Variants in BEGAIN observed in about 807,000 individuals in gnomAD.
The protein encoded by BEGAIN is brain enriched guanylate kinase associated.
BEGAIN carries 19 observed loss-of-function variants against 35.8 expected under a neutral mutation model. That is an observed-to-expected ratio of 0.53 (90% confidence interval 0.37 to 0.78). The LOEUF is 0.78. Ranked by LOEUF, BEGAIN falls within the 30% of genes least tolerant of loss-of-function variation. BEGAIN has a pLI of 0.00. For synonymous variants in BEGAIN, 462 were observed against 388.6 expected (o/e 1.19, Z -2.22); for missense variants, 795 against 853.6 (o/e 0.93, Z 0.85).
chr14:100,578,979 G>A (rs948267829), intron 1 of BEGAIN, among the ~76,000 whole-genome samples: 2 of 151,198 alleles, frequency 1.3e-5, no homozygotes, highest in African/African-American at 4.9e-5. Flanking sequence ...TCCTGCCTCA[G>A]CTTCCAAAGT....
In BEGAIN at chr14:100,563,288, C is replaced by T. The variant is rs539767232; in HGVS notation, c.71+4623G>A. On this transcript the variant is annotated intron_variant, in intron 2 of 6. Transcript: ENST00000554140. The surrounding 1 kb of genome is among the most constrained non-coding windows in gnomAD (Gnocchi z 4.2). ...CTCAACCTTGACCTCTAACCACATG[C>T]AAACCCAAGTTCAAGTGGATGAAAA... Among the ~76,000 whole-genome samples, 1 of 152,356 alleles carries T rather than the reference C, an allele frequency of 6.6e-6. No individual in the cohort carries two copies. The highest frequency in any genetic ancestry group is 2.1e-4 in the South Asian group (1 of 4,832).
chr14:100,578,856 C>CTTTTTTTTTTTTTTTT (rs529546763), intron 1 of BEGAIN, among the ~76,000 whole-genome samples: 1 of 127,020 alleles, frequency 7.9e-6, no homozygotes, highest in Non-Finnish European at 1.6e-5. Context: ...GCCTCTGGTA[C>CTTTTTTTTTTTTTTTT]TTTTTTTTTT....
At chr14:100,577,063 C>A (rs2035217849) in intron 1 of BEGAIN, among the ~76,000 whole-genome samples, 1 of 152,194 alleles carries the variant, frequency 6.6e-6, no homozygotes, top group African/African-American at 2.4e-5. Flanking sequence ...CAAGGCTCTG[C>A]CGCAGTGGGG....
intron 2 of BEGAIN, among the ~76,000 whole-genome samples, chr14:100,554,668 T>C (rs1417839130): frequency 2.0e-5 from 3 of 151,874 alleles, no homozygotes; most frequent in Admixed American, 2.0e-4. Context: ...ACCAGCCCTG[T>C]CCTTGAGTGT....
chr14:100,546,755 CG>C (rs1165098241), intron 2 of BEGAIN, 93 bp from the exon 3 acceptor site: 40 of 1,241,410 alleles, frequency 3.2e-5, no homozygotes, highest in Middle Eastern at 2.7e-4. Flanking sequence ...CACTAACACG[CG>C]AGTACCGGCG....
chr14:100,540,711 A>G, intron 5 of BEGAIN, 132 bp from the exon 6 acceptor site: 2 of 647,460 alleles, frequency 3.1e-6, no homozygotes, highest in South Asian at 3.7e-5. Context: ...ACAAGGACCC[A>G]CTGCTGGCTC....
chr14:100,582,888 C>T (rs571707274), intron 1 of BEGAIN, among the ~76,000 whole-genome samples: 1 of 151,940 alleles, frequency 6.6e-6, no homozygotes, highest in Admixed American at 6.6e-5. Context: ...CCTGACCCTG[C>T]GCCTGCGTAG....
intron 5 of BEGAIN, among the ~76,000 whole-genome samples, 176 bp from the exon 6 acceptor site, chr14:100,540,755 A>G (rs576915999): frequency 6.6e-6 from 1 of 152,330 alleles, no homozygotes; most frequent in South Asian, 2.1e-4. Context: ...CTTGCCTGCA[A>G]AATGAGAGCC....
chr14:100,550,354 C>CGGGACAGATGTCTG (rs977311749), intron 2 of BEGAIN: 1 of 398,830 alleles, frequency 2.5e-6, no homozygotes, highest in Admixed American at 4.4e-5. Flanking sequence ...GACACAGACA[C>CGGGACAGATGTCTG]GGGACAGATG....
intron 2 of BEGAIN, chr14:100,548,888 A>T (rs978516368): frequency 1.3e-5 from 2 of 152,218 alleles, no homozygotes; most frequent in Admixed American, 1.3e-4. Flanking sequence ...TACAGCAGTC[A>T]ACTCCCTGTT....
chr14:100,570,564 G>A (rs1409934127), intron 1 of BEGAIN, among the ~76,000 whole-genome samples: 1 of 152,248 alleles, frequency 6.6e-6, no homozygotes, highest in Admixed American at 6.5e-5. Flanking sequence ...AGGACTCTGT[G>A]TCCCAGCTCT....
Position 100,583,938 on chromosome 14 carries a change from G to A in BEGAIN, c.42+3311C>T, listed in dbSNP as rs189163433. 9.4e-4 allele frequency among the ~76,000 whole-genome samples: 143 copies of A among 152,106 alleles called. 2 individuals are homozygous for A. The highest frequency in any genetic ancestry group is 1.9e-4 in the Non-Finnish European group (13 of 67,978). On this transcript the variant is annotated intron_variant, in intron 1 of 6. Transcript: ENST00000554140. ...GGTCTTGAACTCCTGACCTCAGGTG[G>A]TCCACTCACCTTGGCCTCCCAAAGT...
At chr14:100,541,618 C>T (rs752892612) in intron 5 of BEGAIN, among the ~76,000 whole-genome samples, 1 of 152,204 alleles carries the variant, frequency 6.6e-6, no homozygotes, top group Non-Finnish European at 1.5e-5. Context: ...TGACCCCAGT[C>T]GACCGGCTGC....
rs552185151 is a variant in BEGAIN, at chr14:100,586,735, G to A, written c.42+514C>T. 5.3e-5 allele frequency among the ~76,000 whole-genome samples: 8 copies of A among 152,288 alleles called. No homozygotes were observed. In the East Asian group the frequency reaches 1.6e-3, roughly 30 times the overall value. On this transcript the variant is annotated intron_variant, in intron 1 of 6. Transcript: ENST00000554140. This position sits in a 1 kb window ranked among gnomAD's most constrained non-coding sequence, Gnocchi z 4.9. The stretch of plus-strand genomic sequence containing the variant: ...AATGGGATGGTGGTGTCCGAGGTTC[G>A]TGCGCGCCCACGCGCTGCAAACGCT...
At chr14:100,561,007 C>T (rs1426077466) in intron 2 of BEGAIN, among the ~76,000 whole-genome samples, 2 of 148,718 alleles carry the variant, frequency 1.3e-5, no homozygotes, top group Non-Finnish European at 3.0e-5. Context: ...GGCCTCCAGC[C>T]CTCGGAAGGA....
intron 2 of BEGAIN, among the ~76,000 whole-genome samples, chr14:100,552,378 T>G (rs1280255346): frequency 1.3e-5 from 2 of 152,202 alleles, no homozygotes; most frequent in African/African-American, 4.8e-5. Context: ...GAAATTCTCA[T>G]TCTCAGCCTG....
chr14:100,578,133 C>T (rs999665342), intron 1 of BEGAIN, among the ~76,000 whole-genome samples: 1 of 152,224 alleles, frequency 6.6e-6, no homozygotes, highest in Non-Finnish European at 1.5e-5. Context: ...TGGCCTCCCA[C>T]CCCCAAATCG....
In BEGAIN at chr14:100,539,001, G is replaced by A. The variant is rs761805146; in HGVS notation, c.807C>T (p.Pro269=). Residue 269 remains proline (P), a synonymous_variant, in exon 7 of 7, where the codon CCC becomes CCT. Coordinates refer to ENST00000554140, the MANE Select transcript of BEGAIN (RefSeq NM_001385089.1). ...CCCGCAGGAAGCCCACGTCGGTCAC[G>A]GGCGCGTCCACGCTAGGCCGCCGGT... ...RRDRRPSVDA[P]VTDVGFLRAQ... The A allele has an allele frequency of 8.7e-6, 14 of 1,610,490 alleles. No homozygotes were observed. In the East Asian group the frequency reaches 2.2e-4, roughly 26 times the overall value.
At chr14:100,578,311 G>C (rs1269325532) in intron 1 of BEGAIN, among the ~76,000 whole-genome samples, 2 of 152,248 alleles carry the variant, frequency 1.3e-5, no homozygotes, top group Non-Finnish European at 2.9e-5. Context: ...CCTCTGCCAG[G>C]TGCGGTGCAG....
Sources: allele counts gnomAD v4.1 joint callset (sites outside exome capture counted in the v4.1 genomes callset), GRCh38; gene constraint gnomAD v4.1.1; non-coding constraint Gnocchi (gnomAD v3.1); transcripts MANE v1.5; gene names NCBI Gene and HGNC (gene_info 2026-07-23, HGNC 2026-07-21).